SYNE1: variants seen among roughly 807,000 people sequenced by gnomAD.
SYNE1 encodes nesprin-1.
SYNE1 carries 616 observed loss-of-function variants against 1,111.0 expected under a neutral mutation model. That is an observed-to-expected ratio of 0.55 (90% CI 0.52 to 0.59). The LOEUF (loss-of-function observed/expected upper bound fraction) is 0.59, where lower values mean the gene tolerates loss of function less well. Ranked by LOEUF, SYNE1 falls within the 20% of genes least tolerant of loss-of-function variation. The pLI is 0.00. For synonymous variants in SYNE1, 3,855 were observed against 3,825.8 expected, an observed-to-expected ratio of 1.01 and a Z score of -0.28; for missense variants, 10,006 against 10,417.0, an observed-to-expected ratio of 0.96 and a Z score of 1.72.
intron 76 of SYNE1, chr6:152,336,355 T>C (rs2096389064): frequency 5.1e-6 from 1 of 197,302 alleles, no homozygotes; most frequent in Non-Finnish European, 1.1e-5. Context: ...TGATGTTTGT[T>C]CAGATTTGCT....
At chr6:152,338,803 C>A (rs2096465574) in intron 75 of SYNE1, among the ~76,000 whole-genome samples, 7 of 152,064 alleles carry the variant, frequency 4.6e-5, no homozygotes, top group Admixed American at 4.6e-4. Flanking sequence ...CACACTTTAC[C>A]AATGAACTAG....
intron 63 of SYNE1, among the ~76,000 whole-genome samples, chr6:152,363,426 G>A (rs376443904): frequency 1.9e-4 from 29 of 150,800 alleles, no homozygotes; most frequent in African/African-American, 5.1e-4. Flanking sequence ...CCCGGGAGGC[G>A]GAGCTCGCAG....
At chr6:152,533,289 T>C (rs2099214626) in intron 4 of SYNE1, among the ~76,000 whole-genome samples, 2 of 144,170 alleles carry the variant, frequency 1.4e-5, no homozygotes, top group Non-Finnish European at 1.5e-5. Flanking sequence ...TCCTTTCCAC[T>C]TCCTCGATTA....
chr6:152,188,219 T>C (rs1481791702), intron 128 of SYNE1, among the ~76,000 whole-genome samples: 2 of 152,196 alleles, frequency 1.3e-5, no homozygotes, highest in African/African-American at 4.8e-5. Flanking sequence ...CAGCCTATTA[T>C]GTGCCAGGCA....
At chr6:152,167,892 A>G (rs1431956661) in intron 130 of SYNE1, 2 of 744,230 alleles carry the variant, frequency 2.7e-6, no homozygotes, top group South Asian at 1.4e-5. Flanking sequence ...AATAAAGTCC[A>G]TTAACCTTTT....
chr6:152,152,546 A>G (rs2747640), intron 133 of SYNE1, among the ~76,000 whole-genome samples: 61,145 of 152,046 alleles, frequency 0.4, 13,152 homozygotes, highest in African/African-American at 0.54. Context: ...AAATGTTGAC[A>G]ACTTCTGCTG....
chr6:152,180,558 T>C (rs929294359), intron 128 of SYNE1, among the ~76,000 whole-genome samples: 1 of 149,498 alleles, frequency 6.7e-6, no homozygotes, highest in African/African-American at 2.5e-5. Context: ...ATAGATAGGA[T>C]ACATGACCAG....
At chr6:152,502,612 T>C (rs1278273858) in intron 10 of SYNE1, 21 bp downstream of exon 10, 4 of 1,576,846 alleles carry the variant, frequency 2.5e-6, no homozygotes, top group African/African-American at 2.7e-5. Flanking sequence ...CCAGTGATAC[T>C]TGAAGAAAGC....
chr6:152,429,073 G>A (rs1193389091), intron 36 of SYNE1, among the ~76,000 whole-genome samples: 2 of 141,830 alleles, frequency 1.4e-5, no homozygotes, highest in East Asian at 4.2e-4. Flanking sequence ...AGAAGCTACT[G>A]TCTATCTCAA....
At chr6:152,217,269 ACCTGCAGTC>A (rs2078969846) in intron 121 of SYNE1, among the ~76,000 whole-genome samples, 1 of 146,662 alleles carries the variant, frequency 6.8e-6, no homozygotes. Flanking sequence ...GGTGGACAGT[ACCTGCAGTC>A]CTAACTACTC....
rs370014940 is a variant in SYNE1 at position 152,447,484 on chromosome 6, T to G, written c.3643A>C (p.Lys1215Gln). The G allele has an allele frequency of 1.8e-5, 29 of 1,614,106 alleles. No homozygotes were observed. Among genetic ancestry groups the G allele is most frequent in the Non-Finnish European group, 2.5e-5 (29 of 1,180,042 alleles). ...DELAKLSSSF[K>Q]ALVTLLSEVE... is the part of the protein sequence containing the mutation. ...TCTGACAGCAGCGTCACAAGAGCCTTGAAAGAGCTGGATAATTTTGCCAGC... is the reference window on the plus strand; with the variant it reads ...TCTGACAGCAGCGTCACAAGAGCCTGGAAAGAGCTGGATAATTTTGCCAGC... Residue 1215 changes from lysine to glutamine, a missense_variant, in exon 29 of 146, where the codon AAG becomes CAG. Transcript: ENST00000367255.
At position 152,444,089 on chromosome 6, in the gene SYNE1, C is replaced by T. The variant is rs1419183708; in HGVS notation, c.3837+322G>A. Among the ~76,000 whole-genome samples, 5 of 152,218 alleles carry T rather than the reference C, an allele frequency of 3.3e-5. No homozygotes were observed. The East Asian group carries it at 9.6e-4, about 29-fold the overall frequency. ...AATTGGTCCATCTATGCCTTTCCAT[C>T]TGTTTTGAAAAGGAGAATCTAGCAC... is the stretch of plus-strand genomic sequence containing the variant. On this transcript the variant is annotated intron_variant, in intron 30 of 145. Transcript: ENST00000367255.
At chr6:152,419,534 C>A in intron 40 of SYNE1, 35 bp downstream of exon 40, 2 of 1,543,934 alleles carry the variant, frequency 1.3e-6, no homozygotes, top group East Asian at 4.7e-5. Flanking sequence ...TGAAGAAATT[C>A]TTCTTCAATC....
chr6:152,407,165 C>G lies in SYNE1; in HGVS notation c.6572G>C (p.Arg2191Thr), dbSNP rs2097913370. ...CCAAATGGACAGGCTTACTCTCAGC[C>G]TATCCATGTTTTCTTCAAGTTTCTC... ...VSEKLEENMD[R>T]LRVSLSIWDD... is the part of the protein sequence containing the mutation. The change falls in exon 45 of 146, where the codon AGG becomes ACG. Residue 2191 changes from arginine to threonine, a missense_variant. Around this residue, in one of 7 missense-constraint regions of SYNE1, gnomAD observed 4,955 missense variants for 5,017.2 expected, o/e 0.99. Coordinates refer to ENST00000367255, the MANE Select transcript of SYNE1 (RefSeq NM_182961.4). 1.2e-6 allele frequency: 2 copies of G among 1,614,014 alleles called. No homozygotes were observed. The highest frequency in any genetic ancestry group is 1.7e-6 in the Non-Finnish European group (2 of 1,179,978).
chr6:152,494,620 A>G (rs2098989264), intron 11 of SYNE1, among the ~76,000 whole-genome samples: 1 of 152,088 alleles, frequency 6.6e-6, no homozygotes, highest in Admixed American at 6.5e-5. Context: ...TTGCAAAGGG[A>G]CTACACGTCA....
intron 14 of SYNE1, among the ~76,000 whole-genome samples, chr6:152,481,858 T>G (rs2154293032): frequency 1.3e-5 from 2 of 151,384 alleles, no homozygotes; most frequent in South Asian, 4.2e-4. Flanking sequence ...AAGGCACAGA[T>G]AAGCAGGCCC....
chr6:152,142,324 T>G (rs1763884991), intron 138 of SYNE1, among the ~76,000 whole-genome samples: 1 of 152,168 alleles, frequency 6.6e-6, no homozygotes, highest in East Asian at 1.9e-4. Flanking sequence ...TTCTCTTTCT[T>G]AAATTGAAAT....
intron 14 of SYNE1, among the ~76,000 whole-genome samples, chr6:152,475,042 C>G (rs1004764705): frequency 6.6e-6 from 1 of 152,064 alleles, no homozygotes; most frequent in Non-Finnish European, 1.5e-5. Context: ...AGTTAAAAGA[C>G]AGAGATTACC....
At chr6:152,123,084 C>G (rs1438893376) in intron 145 of SYNE1, among the ~76,000 whole-genome samples, 5 of 152,174 alleles carry the variant, frequency 3.3e-5, no homozygotes, top group Non-Finnish European at 5.9e-5. Flanking sequence ...CATTGTTAAG[C>G]AAAATTAGTT....
Sources: gnomAD v4.1 joint callset for allele counts (sites outside exome capture counted in the v4.1 genomes callset) on GRCh38, gnomAD v4.1.1 for gene constraint, gnomAD v4.1.1 regional missense constraint, MANE v1.5 for transcripts, NCBI Gene and HGNC (gene_info 2026-07-23, HGNC 2026-07-21) for gene names.